CUX1: variants seen among roughly 807,000 people sequenced by gnomAD.
CUX1 encodes the protein cut like homeobox 1.
Under a neutral mutation model 158.8 loss-of-function variants are expected in CUX1, and 31 were observed. That is an observed-to-expected ratio of 0.20 (90% CI 0.15 to 0.26). CUX1 has a LOEUF of 0.26. Among genes scored for constraint, CUX1 ranks in the 10% least tolerant of loss-of-function variants. The pLI, the probability that CUX1 is intolerant of heterozygous loss-of-function variation, is 1.00. For missense variants in CUX1, 1,589 were observed against 2,014.6 expected (o/e 0.79, Z 4.04); for synonymous variants, 879 against 862.1 (o/e 1.02, Z -0.34).
At chr7:102,040,048 T>C (rs1821896359) in intron 3 of CUX1, among the ~76,000 whole-genome samples, 1 of 152,138 alleles carries the variant, frequency 6.6e-6, no homozygotes, top group Non-Finnish European at 1.5e-5. Context: ...CAACGCAACC[T>C]TTTCGGGAGC....
At chr7:102,147,769 G>T (rs1442510346) in intron 8 of CUX1, among the ~76,000 whole-genome samples, 2 of 152,116 alleles carry the variant, frequency 1.3e-5, no homozygotes, top group Non-Finnish European at 2.9e-5. Flanking sequence ...GGCCAAGGCA[G>T]GTGGATCACT....
At chr7:102,243,036 G>A (rs928671800) in intron 23 of CUX1, among the ~76,000 whole-genome samples, 1 of 152,168 alleles carries the variant, frequency 6.6e-6, no homozygotes, top group Non-Finnish European at 1.5e-5. Context: ...CACTTTGGGA[G>A]GCCAAGGCGG....
intron 22 of CUX1, among the ~76,000 whole-genome samples, chr7:102,234,849 T>G (rs1554532071): frequency 2.6e-5 from 4 of 151,806 alleles, no homozygotes. Flanking sequence ...CAAGAATCGC[T>G]TGAACCCTGC....
chr7:101,993,506 A>ATGT, intron 2 of CUX1, among the ~76,000 whole-genome samples: 1 of 152,140 alleles, frequency 6.6e-6, no homozygotes, highest in Non-Finnish European at 1.5e-5. Context: ...GGGAGCACTT[A>ATGT]CCTTTTCATT....
intron 8 of CUX1, among the ~76,000 whole-genome samples, chr7:102,123,287 G>T (rs1832253847): frequency 6.6e-6 from 1 of 151,622 alleles, no homozygotes; most frequent in African/African-American, 2.4e-5. Flanking sequence ...AAACATGTTT[G>T]TGAATATAAA....
intron 1 of CUX1, among the ~76,000 whole-genome samples, chr7:101,857,679 T>G (rs1220193903): frequency 1.3e-5 from 2 of 152,226 alleles, no homozygotes; most frequent in African/African-American, 4.8e-5. Context: ...CCGTCACCCC[T>G]CTAGGTTGAG....
chr7:102,199,241 G>A lies in CUX1; in HGVS notation c.1960+374G>A, dbSNP rs1179275752. 4.6e-5 allele frequency among the ~76,000 whole-genome samples: 7 copies of A among 152,286 alleles called. No individual in the cohort carries two copies. The South Asian group carries it at 6.2e-4, about 14-fold the overall frequency. On this transcript the variant is annotated intron_variant, in intron 16 of 23. Transcript: ENST00000292535. Reference sequence around the variant, plus strand: ...TCAAATTAAATACTGCTGCTTCCTCGTATTTTTAACTCGGAAACACACTCA... The same window carrying A: ...TCAAATTAAATACTGCTGCTTCCTCATATTTTTAACTCGGAAACACACTCA...
chr7:101,939,060 T>TAC (rs1807338058), intron 2 of CUX1, among the ~76,000 whole-genome samples: 2 of 372 alleles, frequency 5.4e-3, no homozygotes, highest in African/African-American at 0.019. Context: ...AAAAAATACA[T>TAC]ATATATATAT....
intron 2 of CUX1, among the ~76,000 whole-genome samples, chr7:101,954,664 G>A (rs1382140983): frequency 1.3e-5 from 2 of 152,002 alleles, no homozygotes; most frequent in Non-Finnish European, 2.9e-5. Context: ...GGCATTTGCA[G>A]TGCAGCCACC....
intron 11 of CUX1, among the ~76,000 whole-genome samples, chr7:102,189,479 T>TC (rs1333630404): frequency 2.1e-5 from 3 of 145,166 alleles, no homozygotes; most frequent in Middle Eastern, 3.4e-3. Flanking sequence ...CACTGCACCC[T>TC]CCAACTCCCG....
intron 1 of CUX1, among the ~76,000 whole-genome samples, chr7:101,850,970 T>C (rs1187893215): frequency 6.6e-6 from 1 of 152,098 alleles, no homozygotes; most frequent in African/African-American, 2.4e-5. Context: ...TATCCAGGTG[T>C]GGTGGTGTGC....
intron 1 of CUX1, among the ~76,000 whole-genome samples, chr7:101,820,813 C>A (rs1310343964): frequency 6.6e-6 from 1 of 152,144 alleles, no homozygotes; most frequent in Non-Finnish European, 1.5e-5. Flanking sequence ...TCAAGCAATT[C>A]TGGTATCTAA....
intron 22 of CUX1, chr7:102,282,785 C>T (rs782661472): frequency 2.5e-6 from 4 of 1,608,462 alleles, no homozygotes; most frequent in South Asian, 1.1e-5. Context: ...AAGTGAGGAC[C>T]CCCACTTGGG....
In CUX1 at chr7:102,254,419, A is replaced by T; in HGVS notation, c.*5377A>T. The T allele has an allele frequency of 1.0e-6, 1 of 985,486 alleles. No homozygotes were observed. The highest frequency in any genetic ancestry group is 1.2e-6 in the Non-Finnish European group (1 of 829,986). The allele number at this position is 985,486 out of a possible 1,614,324, so 61.0% of individuals were successfully genotyped here. On this transcript the variant is annotated 3_prime_UTR_variant, in exon 24 of 24. Transcript: ENST00000292535. ...TCAAACATCTCAAAGACGGAAAAGG[A>T]TAGATGGCTTCCTCCAGCCTACACG...
intron 2 of CUX1, among the ~76,000 whole-genome samples, chr7:101,978,026 C>T (rs960319805): frequency 4.6e-5 from 7 of 151,792 alleles, no homozygotes; most frequent in African/African-American, 1.7e-4. Context: ...CCACCTTGCC[C>T]ATCACTCTGC....
chr7:102,094,232 T>C (rs1326097464), intron 4 of CUX1, among the ~76,000 whole-genome samples: 1 of 152,238 alleles, frequency 6.6e-6, no homozygotes, highest in Non-Finnish European at 1.5e-5. Flanking sequence ...CAAAACAATA[T>C]TCAAATGCTG....
chr7:101,834,995 CATAAATAAATAAATAAATAA>C (rs60371062), intron 1 of CUX1, among the ~76,000 whole-genome samples: 3 of 148,938 alleles, frequency 2.0e-5, no homozygotes, highest in Admixed American at 6.8e-5. Context: ...GACTCTGTGT[CATAAATAAATAAATAAATAA>C]ATAAATAAAT....
At position 101,868,824 on chromosome 7, in the gene CUX1, C is replaced by T. The variant is rs559041787; in HGVS notation, c.31-47291C>T. ...GAGTTAAAGGACTGGGGCCATTTGTCGTGGGGGGATGGGAGCAGTGGCTTG... is the reference window on the plus strand; with the variant it reads ...GAGTTAAAGGACTGGGGCCATTTGTTGTGGGGGGATGGGAGCAGTGGCTTG... On this transcript the variant is annotated intron_variant, in intron 1 of 23. Transcript: ENST00000292535. 3.2e-3 allele frequency among the ~76,000 whole-genome samples: 489 copies of T among 152,002 alleles called. 3 individuals carry two copies. Among genetic ancestry groups the T allele is most frequent in the South Asian group, 0.011 (53 of 4,824 alleles).
chr7:102,166,439 G>A (rs529305859), intron 9 of CUX1, among the ~76,000 whole-genome samples: 49 of 152,248 alleles, frequency 3.2e-4, no homozygotes, highest in Non-Finnish European at 5.6e-4. Context: ...GGAGTCCGGC[G>A]GTGACCACAG....
Sources: gnomAD v4.1 joint callset for allele counts (sites outside exome capture counted in the v4.1 genomes callset) on GRCh38, gnomAD v4.1.1 for gene constraint, MANE v1.5 for transcripts, NCBI Gene and HGNC (gene_info 2026-07-23, HGNC 2026-07-21) for gene names.